BBX: variants seen among roughly 807,000 people sequenced by gnomAD.
BBX encodes HMG box transcription factor BBX.
A neutral mutation model predicts 100.2 loss-of-function variants in BBX; 30 were observed. The observed-to-expected ratio is 0.30, with a 90% CI of 0.22 to 0.41. The LOEUF (loss-of-function observed/expected upper bound fraction) is 0.41. Ranked by LOEUF, BBX falls within the 10% of genes least tolerant of loss-of-function variation. BBX has a pLI of 1.00. For missense variants in BBX, 1,023 were observed against 1,129.8 expected (o/e 0.91, Z 1.35); for synonymous variants, 376 against 388.1 (o/e 0.97, Z 0.37).
chr3:107,794,071 CTG>C (rs1172480608), intron 15 of BBX, among the ~76,000 whole-genome samples: 2 of 152,150 alleles, frequency 1.3e-5, no homozygotes, highest in Non-Finnish European at 2.9e-5. Flanking sequence ...ACCTCTGCCA[CTG>C]TGTTTATCTT....
intron 3 of BBX, among the ~76,000 whole-genome samples, chr3:107,673,481 C>T (rs1024835083): frequency 6.6e-6 from 1 of 151,980 alleles, no homozygotes; most frequent in African/African-American, 2.4e-5. Flanking sequence ...TACCTGCCCA[C>T]CCCAAAAAAC....
chr3:107,756,453 C>A (rs183467682), intron 10 of BBX, among the ~76,000 whole-genome samples: 310 of 152,090 alleles, frequency 2.0e-3, no homozygotes, highest in African/African-American at 7.2e-3. Flanking sequence ...TTAATTTTCT[C>A]ATTTTTCTGG....
intron 3 of BBX, among the ~76,000 whole-genome samples, chr3:107,660,331 C>T (rs1012345289): frequency 1.3e-5 from 2 of 151,818 alleles, no homozygotes; most frequent in African/African-American, 4.8e-5. Context: ...TTCTGGTTTG[C>T]AATACTTGGG....
At position 107,809,698 on chromosome 3, in the gene BBX, G is replaced by C. The variant is rs1332448081; in HGVS notation, c.*4241G>C. 6.6e-6 allele frequency: 1 copy of C among 152,222 alleles called. No homozygotes were observed. Among genetic ancestry groups the C allele is most frequent in the East Asian group, 1.9e-4 (1 of 5,192 alleles). 9.4% of individuals were successfully genotyped at this position (152,222 alleles called of 1,614,324 possible). A position where few individuals can be genotyped will look rare whatever the true frequency, so the allele number is the denominator to read the frequency against. On this transcript the variant is annotated 3_prime_UTR_variant, in exon 18 of 18. Transcript: ENST00000325805. The stretch of plus-strand genomic sequence containing the variant: ...CTGAAAATGGGCAGTAGAAGCAAAT[G>C]CTGTTGTTACATTTGACCTATAAAG...
chr3:107,736,257 G>A (rs2063628297), intron 7 of BBX, among the ~76,000 whole-genome samples: 1 of 152,002 alleles, frequency 6.6e-6, no homozygotes, highest in Non-Finnish European at 1.5e-5. Flanking sequence ...AAAGGAGTGT[G>A]TCCAGTGAAT....
chr3:107,640,822 C>A (rs2057148498), intron 2 of BBX, among the ~76,000 whole-genome samples: 1 of 151,954 alleles, frequency 6.6e-6, no homozygotes, highest in Non-Finnish European at 1.5e-5. Flanking sequence ...ACACCATGCC[C>A]AACTAATTTT....
intron 3 of BBX, among the ~76,000 whole-genome samples, chr3:107,688,373 A>G (rs536383102): frequency 2.7e-4 from 41 of 152,338 alleles, no homozygotes; most frequent in Non-Finnish European, 3.2e-4. Flanking sequence ...TGCCCAAAGT[A>G]AGAGAATCCA....
intron 2 of BBX, among the ~76,000 whole-genome samples, chr3:107,619,595 T>C (rs575772597): frequency 1.7e-3 from 258 of 152,174 alleles, no homozygotes; most frequent in Non-Finnish European, 3.0e-3. Context: ...TTCTTCTCCG[T>C]TTATTGAATG....
chr3:107,673,169 AAG>A (rs1174003055), intron 3 of BBX, among the ~76,000 whole-genome samples: 18 of 151,618 alleles, frequency 1.2e-4, no homozygotes, highest in African/African-American at 4.3e-4. Flanking sequence ...TGAAGTTAAT[AAG>A]AGTTATTAAT....
intron 13 of BBX, among the ~76,000 whole-genome samples, chr3:107,784,468 T>C (rs774057154): frequency 1.3e-5 from 2 of 151,856 alleles, no homozygotes; most frequent in South Asian, 2.1e-4. Context: ...TCTCTGACCA[T>C]AGTACAATGA....
At chr3:107,774,982 A>AGATTGTAGGAAG in intron 12 of BBX, 125 bp downstream of exon 12, 1 of 1,127,844 alleles carries the variant, frequency 8.9e-7, no homozygotes, top group Non-Finnish European at 1.2e-6. Context: ...ACTTCCTACA[A>AGATTGTAGGAAG]TCTTAGTAGG....
At chr3:107,648,881 G>A (rs1016995262) in intron 3 of BBX, among the ~76,000 whole-genome samples, 11 of 152,188 alleles carry the variant, frequency 7.2e-5, no homozygotes, top group African/African-American at 2.7e-4. Context: ...AATGCTTTGT[G>A]ATAGTTTATA....
rs146308148 is a variant in BBX, at chr3:107,644,384, G to C, written c.-83-1452G>C. Among the ~76,000 whole-genome samples, 918 of 151,938 alleles carry C rather than the reference G, an allele frequency of 6.0e-3. 11 individuals carry two copies. Among genetic ancestry groups the C allele is most frequent in the African/African-American group, 0.021 (876 of 41,446 alleles). On this transcript the variant is annotated intron_variant, in intron 2 of 17. Coordinates refer to ENST00000325805, the MANE Select transcript of BBX (RefSeq NM_001142568.3). The stretch of plus-strand genomic sequence containing the variant: ...TTATATATATTTTTAGATTATACCA[G>C]TTTATTTACTTGACGTTTATTTACA...
At chr3:107,569,490 TG>T (rs1318083912) in intron 2 of BBX, among the ~76,000 whole-genome samples, 2 of 151,248 alleles carry the variant, frequency 1.3e-5, no homozygotes, top group African/African-American at 4.9e-5. Context: ...GAGATAGGGG[TG>T]GGGCCGTTTT....
At chr3:107,693,846 C>A (rs1286528356) in intron 3 of BBX, among the ~76,000 whole-genome samples, 1 of 149,396 alleles carries the variant, frequency 6.7e-6, no homozygotes, top group African/African-American at 2.5e-5. Flanking sequence ...AATGTTCTTC[C>A]ATTTGTTTGT....
chr3:107,794,232 TAACAGCATTCCCAGTG>T, intron 15 of BBX, among the ~76,000 whole-genome samples: 1 of 152,150 alleles, frequency 6.6e-6, no homozygotes, highest in African/African-American at 2.4e-5. Context: ...AATTTCATCT[TAACAGCATTCCCAGTG>T]AATTAAGGAG....
chr3:107,753,104 G>A lies in BBX; in HGVS notation c.826-2494G>A, dbSNP rs373347332. On this transcript the variant is annotated intron_variant, in intron 9 of 17. Transcript: ENST00000325805. ...TATGGAAAGAAGAGCCAGCAAAGAA[G>A]AACCACAAGGAGTGGCCTGAGACAT... Among the ~76,000 whole-genome samples the A allele has an allele frequency of 4.6e-5, 7 of 152,298 alleles. No individual in the cohort carries two copies. In the East Asian group the frequency reaches 1.3e-3, roughly 29 times the overall value.
intron 3 of BBX, among the ~76,000 whole-genome samples, chr3:107,649,725 ATTC>A (rs1480839103): frequency 1.3e-5 from 2 of 152,212 alleles, no homozygotes; most frequent in Non-Finnish European, 2.9e-5. Context: ...GAACTTAGGC[ATTC>A]TTCTTTACTT....
At chr3:107,570,239 C>T (rs2051250350) in intron 2 of BBX, among the ~76,000 whole-genome samples, 1 of 152,200 alleles carries the variant, frequency 6.6e-6, no homozygotes, top group Admixed American at 6.5e-5. Flanking sequence ...AAATACGTTG[C>T]TACTTGGCTG....
Sources: gnomAD v4.1 joint callset for allele counts (sites outside exome capture counted in the v4.1 genomes callset) on GRCh38, gnomAD v4.1.1 for gene constraint, MANE v1.5 for transcripts, NCBI Gene and HGNC (gene_info 2026-07-23, HGNC 2026-07-21) for gene names.